The following DYM variants were observed in gnomAD, a reference collection of about 807,000 sequenced individuals.
The protein encoded by DYM is dymeclin, also known as dyggve-Melchior-Clausen syndrome protein.
DYM carries 78 observed loss-of-function variants against 93.1 expected under a neutral mutation model. The ratio of observed to expected loss-of-function variants is 0.84; its 90% CI spans 0.70 to 1.01. The LOEUF (loss-of-function observed/expected upper bound fraction) is 1.01. Ranked by LOEUF, DYM falls within the 50% of genes least tolerant of loss-of-function variation. The probability of loss-of-function intolerance (pLI) is 0.00; values close to 1 mark genes in which losing one functional copy is unlikely to be tolerated. For missense variants in DYM, 789 were observed against 845.0 expected (o/e 0.93, Z 0.82); for synonymous variants, 321 against 319.7 (o/e 1.00, Z -0.04).
intron 3 of DYM, among the ~76,000 whole-genome samples, chr18:49,381,638 G>T (rs1192061285): frequency 6.6e-6 from 1 of 152,210 alleles, no homozygotes; most frequent in Non-Finnish European, 1.5e-5. Context: ...GACTGCACAT[G>T]TGTGAAATGT....
chr18:49,257,683 TA>T lies in DYM; in HGVS notation c.1366-580del, dbSNP rs34323925. 3.7e-3 allele frequency among the ~76,000 whole-genome samples: 533 copies of T among 145,986 alleles called. 4 individuals carry two copies. Among genetic ancestry groups the T allele is most frequent in the African/African-American group, 0.011 (443 of 39,684 alleles). On this transcript the variant is annotated intron_variant, in intron 12 of 17. Coordinates refer to ENST00000675505, the MANE Select transcript of DYM (RefSeq NM_001353214.3). ...GCAACATAGCGAGACTTTGGCTATT[TA>T]AAAAAAAAAAAAAATTAGTCAGGTG...
chr18:49,284,462 C>T (rs985624153), intron 9 of DYM, among the ~76,000 whole-genome samples: 2 of 152,210 alleles, frequency 1.3e-5, no homozygotes, highest in Non-Finnish European at 2.9e-5. Context: ...TAAATACCAA[C>T]ATTTGGCCTG....
intron 8 of DYM, among the ~76,000 whole-genome samples, chr18:49,288,635 C>G (rs1052273409): frequency 5.9e-5 from 9 of 151,808 alleles, no homozygotes; most frequent in Non-Finnish European, 2.9e-5. Context: ...AAAAATTAGC[C>G]AGGTGTGGTG....
chr18:49,310,731 A>G (rs1176617195), intron 8 of DYM, among the ~76,000 whole-genome samples: 1 of 152,210 alleles, frequency 6.6e-6, no homozygotes, highest in Non-Finnish European at 1.5e-5. Context: ...TCAATACACT[A>G]TAGAAAATGT....
chr18:49,133,729 T>C (rs1344778623), intron 15 of DYM, among the ~76,000 whole-genome samples: 1 of 152,232 alleles, frequency 6.6e-6, no homozygotes, highest in Non-Finnish European at 1.5e-5. Context: ...TCTCCTGCTT[T>C]GGCTGGACAA....
intron 14 of DYM, among the ~76,000 whole-genome samples, chr18:49,173,013 GT>G (rs35994544): frequency 7.4e-5 from 11 of 147,756 alleles, no homozygotes; most frequent in East Asian, 6.0e-4. Flanking sequence ...TGGTTTGGGT[GT>G]TTTTTTTTTA....
intron 17 of DYM, among the ~76,000 whole-genome samples, chr18:49,080,783 A>G (rs912009708): frequency 2.2e-5 from 3 of 137,668 alleles, no homozygotes; most frequent in Admixed American, 1.4e-4. Flanking sequence ...CACTTCTCAG[A>G]CGGGGCGGAT....
intron 17 of DYM, among the ~76,000 whole-genome samples, chr18:49,075,238 T>C (rs1252209506): frequency 2.0e-5 from 3 of 152,228 alleles, no homozygotes; most frequent in Admixed American, 6.5e-5. Flanking sequence ...CTCTTCCTTC[T>C]TGGTTTCTGT....
At chr18:49,224,652 A>G (rs1256856393) in intron 13 of DYM, among the ~76,000 whole-genome samples, 1 of 152,062 alleles carries the variant, frequency 6.6e-6, no homozygotes, top group East Asian at 1.9e-4. Context: ...GGAAGACAAG[A>G]GAAAAAACTG....
intron 2 of DYM, among the ~76,000 whole-genome samples, chr18:49,408,295 C>T (rs2071762428): frequency 6.6e-6 from 1 of 152,112 alleles, no homozygotes. Flanking sequence ...TGCAGATGCA[C>T]CATTTTTATT....
At chr18:49,204,562 G>C (rs973776619) in intron 14 of DYM, among the ~76,000 whole-genome samples, 1 of 152,304 alleles carries the variant, frequency 6.6e-6, no homozygotes, top group African/African-American at 2.4e-5. Context: ...TGAAACCTAA[G>C]AAATTAGAAC....
At chr18:49,441,124 A>G (rs1478786646) in intron 1 of DYM, among the ~76,000 whole-genome samples, 2 of 5,640 alleles carry the variant, frequency 3.5e-4, no homozygotes, top group South Asian at 0.016. Context: ...AATATATTAT[A>G]TATTTATATA....
chr18:49,222,949 A>G (rs1242170353), intron 13 of DYM, among the ~76,000 whole-genome samples: 1 of 152,196 alleles, frequency 6.6e-6, no homozygotes, highest in African/African-American at 2.4e-5. Flanking sequence ...AGCTATCACC[A>G]TCTGAACCTA....
chr18:49,080,648 C>G (rs1279696481), intron 17 of DYM, among the ~76,000 whole-genome samples: 4 of 148,534 alleles, frequency 2.7e-5, no homozygotes, highest in Non-Finnish European at 6.0e-5. Flanking sequence ...GCTGACCCCC[C>G]CCACCTCCCT....
intron 8 of DYM, among the ~76,000 whole-genome samples, chr18:49,318,686 T>A (rs1437445920): frequency 6.6e-6 from 1 of 152,142 alleles, no homozygotes; most frequent in African/African-American, 2.4e-5. Flanking sequence ...CACAATTTTT[T>A]ATTTAAGAAA....
intron 3 of DYM, among the ~76,000 whole-genome samples, chr18:49,384,459 C>G (rs1325099874): frequency 1.3e-5 from 2 of 151,644 alleles, no homozygotes; most frequent in African/African-American, 4.8e-5. Context: ...AACCCCATCT[C>G]TACTAAAAAT....
chr18:49,223,049 A>AT (rs895107552), intron 13 of DYM, among the ~76,000 whole-genome samples: 4 of 152,114 alleles, frequency 2.6e-5, no homozygotes, highest in Admixed American at 1.3e-4. Flanking sequence ...CGTATTAAGT[A>AT]TTTTTGCCAA....
chr18:49,100,890 T>A (rs1267321908), intron 16 of DYM, among the ~76,000 whole-genome samples: 1 of 152,222 alleles, frequency 6.6e-6, no homozygotes, highest in East Asian at 1.9e-4. Flanking sequence ...TCTCCGGCAA[T>A]TCCTATGTAG....
At chr18:49,158,754 C>A (rs547914384) in intron 15 of DYM, among the ~76,000 whole-genome samples, 1 of 151,650 alleles carries the variant, frequency 6.6e-6, no homozygotes, top group Non-Finnish European at 1.5e-5. Flanking sequence ...CCAGAGGCTG[C>A]GAAGGGTAGT....
Sources: allele counts gnomAD v4.1 joint callset (sites outside exome capture counted in the v4.1 genomes callset), GRCh38; gene constraint gnomAD v4.1.1; transcripts MANE v1.5; gene names NCBI Gene and HGNC (gene_info 2026-07-23, HGNC 2026-07-21).